SYN3: variants seen among roughly 807,000 people sequenced by gnomAD.
SYN3 encodes the protein synapsin III.
Under a neutral mutation model 65.8 loss-of-function variants are expected in SYN3, and 35 were observed. The observed-to-expected ratio is 0.53, with a 90% CI of 0.41 to 0.70. The LOEUF (loss-of-function observed/expected upper bound fraction) is 0.70. SYN3 is among the 30% of genes least tolerant of loss of function. The pLI, the probability that SYN3 is intolerant of heterozygous loss-of-function variation, is 0.00. For missense variants in SYN3, 680 were observed against 749.0 expected (o/e 0.91, Z 1.08); for synonymous variants, 270 against 292.9 (o/e 0.92, Z 0.80).
At chr22:32,992,272 T>A (rs888375303) in intron 2 of SYN3, among the ~76,000 whole-genome samples, 1 of 152,204 alleles carries the variant, frequency 6.6e-6, no homozygotes, top group Non-Finnish European at 1.5e-5. Flanking sequence ...CTAAGCCCCA[T>A]TATTTTTCCC....
intron 4 of SYN3, among the ~76,000 whole-genome samples, chr22:32,911,026 C>A (rs182054626): frequency 3.2e-4 from 49 of 152,284 alleles, no homozygotes; most frequent in African/African-American, 1.2e-3. Flanking sequence ...GCCTAAACTG[C>A]TTTGCTCTTG....
chr22:33,039,497 C>T (rs980206332), intron 1 of SYN3, among the ~76,000 whole-genome samples: 4 of 151,548 alleles, frequency 2.6e-5, no homozygotes, highest in Admixed American at 2.6e-4. Flanking sequence ...TGCATTCAAG[C>T]GATTCTCCTG....
intron 1 of SYN3, among the ~76,000 whole-genome samples, chr22:33,053,977 G>C (rs919761386): frequency 6.6e-6 from 1 of 152,162 alleles, no homozygotes; most frequent in Non-Finnish European, 1.5e-5. Context: ...GAAAGACAAA[G>C]GATTGGAAGT....
chr22:33,018,578 G>A (rs2053509409), intron 1 of SYN3, among the ~76,000 whole-genome samples: 3 of 152,216 alleles, frequency 2.0e-5, no homozygotes, highest in African/African-American at 7.2e-5. Flanking sequence ...TTCCATACTT[G>A]ATGGTGAAGC....
chr22:32,795,944 C>T (rs1055077024), intron 6 of SYN3, among the ~76,000 whole-genome samples: 3 of 152,178 alleles, frequency 2.0e-5, no homozygotes, highest in African/African-American at 7.2e-5. Context: ...CCCAGTCTAA[C>T]AGGAGACCAA....
intron 6 of SYN3, among the ~76,000 whole-genome samples, chr22:32,685,133 G>C (rs1009843761): frequency 2.6e-5 from 4 of 152,136 alleles, no homozygotes; most frequent in African/African-American, 9.7e-5. Flanking sequence ...ATTATGTCAA[G>C]GGCATTTTCC....
At chr22:32,692,332 T>G (rs964193907) in intron 6 of SYN3, among the ~76,000 whole-genome samples, 20 of 151,976 alleles carry the variant, frequency 1.3e-4, no homozygotes, top group Non-Finnish European at 2.6e-4. Flanking sequence ...GCCTGGGAGG[T>G]GGGGAAGCCC....
intron 3 of SYN3, among the ~76,000 whole-genome samples, chr22:32,976,550 T>C (rs150737406): frequency 6.6e-6 from 1 of 152,252 alleles, no homozygotes; most frequent in East Asian, 1.9e-4. Context: ...CTTGTGCCTG[T>C]GGAGAAAAAG....
intron 7 of SYN3, among the ~76,000 whole-genome samples, chr22:32,574,081 G>T (rs919031655): frequency 2.0e-5 from 3 of 151,760 alleles, no homozygotes; most frequent in Admixed American, 1.3e-4. Flanking sequence ...CTTGGCTGGG[G>T]TTTTTTTATT....
Position 32,528,988 on chromosome 22 carries a change from C to T in SYN3, c.1116G>A (p.Pro372=), listed in dbSNP as rs754427085. The T allele has an allele frequency of 1.3e-5, 21 of 1,613,762 alleles. No homozygotes were observed. Among genetic ancestry groups the T allele is most frequent in the South Asian group, 7.7e-5 (7 of 91,086 alleles). The change falls in exon 11 of 14, where the codon CCG becomes CCA. Residue 372 remains proline (P), a synonymous_variant. Coordinates refer to ENST00000358763, the MANE Select transcript of SYN3 (RefSeq NM_003490.4). ...CCTCTTCCACATGCTCTCCAATCAG[C>T]GGCATTGAGCTGTCCATTACCTGTG... ...YIIEVMDSSM[P]LIGEHVEEDR...
intron 6 of SYN3, among the ~76,000 whole-genome samples, chr22:32,636,054 C>A (rs1254942408): frequency 6.6e-6 from 1 of 152,092 alleles, no homozygotes; most frequent in Non-Finnish European, 1.5e-5. Context: ...AAGAAATGAA[C>A]CATATTTGTC....
intron 4 of SYN3, among the ~76,000 whole-genome samples, chr22:32,893,371 T>C (rs909972861): frequency 6.6e-6 from 1 of 152,128 alleles, no homozygotes; most frequent in Non-Finnish European, 1.5e-5. Flanking sequence ...GAGACTCACA[T>C]AGACAGAGAC....
rs73162095 is a variant in SYN3, at chr22:33,038,081, G to A, written c.-163+20211C>T. On this transcript the variant is annotated intron_variant, in intron 1 of 13. Transcript: ENST00000358763. ...ATTAAAAGAATACCCAGGCAATCCG[G>A]TGCCCTGCTGGCTCTCTTTCTCATC... Among the ~76,000 whole-genome samples the A allele has an allele frequency of 5.8e-3, 890 of 152,220 alleles. 6 individuals carry two copies. The highest frequency in any genetic ancestry group is 0.028 in the South Asian group (135 of 4,812).
chr22:32,564,396 G>A (rs377128304), intron 7 of SYN3, among the ~76,000 whole-genome samples: 1 of 152,150 alleles, frequency 6.6e-6, no homozygotes, highest in East Asian at 1.9e-4. Context: ...ATAAACCAAG[G>A]CTGCTTCTCT....
chr22:32,988,943 T>C (rs1438779935), intron 2 of SYN3, among the ~76,000 whole-genome samples: 2 of 152,124 alleles, frequency 1.3e-5, no homozygotes, highest in East Asian at 3.9e-4. Context: ...GCTGCCTGAT[T>C]TTGGACCAGC....
chr22:32,826,788 C>T (rs1192146540), intron 6 of SYN3, among the ~76,000 whole-genome samples: 1 of 152,196 alleles, frequency 6.6e-6, no homozygotes, highest in Non-Finnish European at 1.5e-5. Flanking sequence ...GCCTGCCACT[C>T]AGGAGTTCAT....
intron 6 of SYN3, among the ~76,000 whole-genome samples, chr22:32,602,834 T>G (rs1394238502): frequency 6.6e-6 from 1 of 152,222 alleles, no homozygotes; most frequent in Non-Finnish European, 1.5e-5. Flanking sequence ...AATAGACATT[T>G]GTGTTATTCA....
At position 32,510,113 on chromosome 22, in the gene SYN3, C is replaced by T. The variant is rs887685548; in HGVS notation, c.*3579G>A. On this transcript the variant is annotated 3_prime_UTR_variant, in exon 14 of 14. Coordinates refer to ENST00000358763, the MANE Select transcript of SYN3 (RefSeq NM_003490.4). Reference sequence around the variant, plus strand: ...ATTTAGGCCATGTGGTCATTGTTCACGGGGCCACTAGTTTCACTCACTAAA... The same window carrying T: ...ATTTAGGCCATGTGGTCATTGTTCATGGGGCCACTAGTTTCACTCACTAAA... Among the ~76,000 whole-genome samples, 9 of 152,148 alleles carry T rather than the reference C, an allele frequency of 5.9e-5. No individual in the cohort carries two copies. Among genetic ancestry groups the T allele is most frequent in the South Asian group, 2.1e-4 (1 of 4,820 alleles).
intron 4 of SYN3, among the ~76,000 whole-genome samples, chr22:32,917,318 A>G (rs1031478782): frequency 6.6e-6 from 1 of 152,144 alleles, no homozygotes; most frequent in African/African-American, 2.4e-5. Flanking sequence ...ATCGTGTGAT[A>G]TGAAATCATA....
Sources: allele counts gnomAD v4.1 joint callset (sites outside exome capture counted in the v4.1 genomes callset), GRCh38; gene constraint gnomAD v4.1.1; transcripts MANE v1.5; gene names NCBI Gene and HGNC (gene_info 2026-07-23, HGNC 2026-07-21).